The following COL9A1 variants were observed in gnomAD, a reference collection of about 807,000 sequenced individuals.
COL9A1 encodes collagen alpha-1(IX) chain.
A neutral mutation model predicts 142.6 loss-of-function variants in COL9A1; 104 were observed. That is an observed-to-expected ratio of 0.73 (90% CI 0.62 to 0.86). The LOEUF (loss-of-function observed/expected upper bound fraction) is 0.86. Ranked by LOEUF, COL9A1 falls within the 40% of genes least tolerant of loss-of-function variation. COL9A1 has a pLI of 0.00. For missense variants in COL9A1, 1,210 were observed against 1,176.6 expected (o/e 1.03, Z -0.42); for synonymous variants, 466 against 396.0 (o/e 1.18, Z -2.10).
In COL9A1 at chr6:70,242,725, C is replaced by G. The variant is rs1482601586; in HGVS notation, c.1873-10G>C. ...ATTCTCCTCTACTGCCCTGTAAAAA[C>G]ACAAACATTGTCAATTGGATATTTT... On this transcript the variant is annotated splice_polypyrimidine_tract_variant and intron_variant, in intron 28 of 37. Transcript: ENST00000357250. 6.2e-7 allele frequency: 1 copy of G among 1,613,546 alleles called. No homozygotes were observed. The highest frequency in any genetic ancestry group is 8.5e-7 in the Non-Finnish European group (1 of 1,179,562).
chr6:70,253,386 T>C lies in COL9A1; in HGVS notation c.1763A>G (p.Lys588Arg). 1 of 1,593,784 alleles carries C rather than the reference T, an allele frequency of 6.3e-7. No homozygotes were observed. Among genetic ancestry groups the C allele is most frequent in the Non-Finnish European group, 8.6e-7 (1 of 1,163,578 alleles). ...AACTTAAATTTTAAAATATTTTACCTTTTCACCAGCAACACCCTTTGCACC... is the reference window on the plus strand; with the variant it reads ...AACTTAAATTTTAAAATATTTTACCCTTTCACCAGCAACACCCTTTGCACC... ...IPGAKGVAGE[K>R]GSTGAPGKPG... is the part of the protein sequence containing the mutation. Residue 588 changes from lysine to arginine, a missense_variant and splice_region_variant, in exon 26 of 38, where the codon AAG (lysine) becomes AGG (arginine). Transcript: ENST00000357250.
chr6:70,268,939 CT>C, intron 16 of COL9A1, 79 bp from the exon 17 acceptor site: 2 of 1,226,274 alleles, frequency 1.6e-6, no homozygotes, highest in South Asian at 1.2e-5. Context: ...GTGACAGTAT[CT>C]TTTTTAAGGG....
intron 36 of COL9A1, among the ~76,000 whole-genome samples, chr6:70,227,424 TAAAAAAAAAA>T (rs11407353): frequency 4.0e-5 from 2 of 50,046 alleles, no homozygotes; most frequent in African/African-American, 1.1e-4. Context: ...ATGCAAATTG[TAAAAAAAAAA>T]AAAAAAAAAA....
intron 21 of COL9A1, 40 bp downstream of exon 21, chr6:70,256,728 A>T (rs1249468201): frequency 6.2e-7 from 1 of 1,608,208 alleles, no homozygotes; most frequent in Non-Finnish European, 8.5e-7. Flanking sequence ...CAAAAAAAAA[A>T]AAATCTATCA....
chr6:70,258,838 A>G (rs1191610428), intron 20 of COL9A1, among the ~76,000 whole-genome samples: 1 of 152,200 alleles, frequency 6.6e-6, no homozygotes, highest in Non-Finnish European at 1.5e-5. Context: ...AAATATCTCA[A>G]ATGAAGACCA....
At chr6:70,241,899 G>T in intron 30 of COL9A1, 65 bp downstream of exon 30, 1 of 1,418,114 alleles carries the variant, frequency 7.1e-7, no homozygotes, top group Non-Finnish European at 9.8e-7. Flanking sequence ...AGCAAGCTTT[G>T]TTTCTCAACA....
intron 7 of COL9A1, 90 bp from the exon 8 acceptor site, chr6:70,281,554 G>T: frequency 9.9e-7 from 1 of 1,005,142 alleles, no homozygotes; most frequent in Non-Finnish European, 1.5e-6. Flanking sequence ...GCCTCCGTGG[G>T]GTAAAAGTTA....
chr6:70,284,822 C>A (rs1030219074), intron 5 of COL9A1, among the ~76,000 whole-genome samples: 7 of 152,198 alleles, frequency 4.6e-5, no homozygotes, highest in Non-Finnish European at 1.0e-4. Flanking sequence ...CTAAGCATTA[C>A]TTCTTTTCTT....
chr6:70,244,668 G>T (rs1292644560), intron 28 of COL9A1, among the ~76,000 whole-genome samples: 8 of 152,122 alleles, frequency 5.3e-5, no homozygotes, highest in Admixed American at 3.3e-4. Flanking sequence ...AAATAAAGAT[G>T]ATTATTATAC....
chr6:70,275,912 T>G (rs1021717447), intron 10 of COL9A1, among the ~76,000 whole-genome samples: 1 of 152,162 alleles, frequency 6.6e-6, no homozygotes, highest in East Asian at 1.9e-4. Flanking sequence ...ATATTTAGTC[T>G]GTCATGGTCT....
chr6:70,283,847 T>C, intron 5 of COL9A1, 27 bp from the exon 6 acceptor site: 1 of 1,556,542 alleles, frequency 6.4e-7, no homozygotes, highest in Non-Finnish European at 8.8e-7. Flanking sequence ...GACAGTCAGG[T>C]AAGGTTTTTT....
At chr6:70,300,459 AAAT>A (rs959164999) in intron 2 of COL9A1, 73 bp from the exon 3 acceptor site, 101 of 571,378 alleles carry the variant, frequency 1.8e-4, no homozygotes, top group South Asian at 2.4e-4. Context: ...AAATAAAATA[AAAT>A]AATAATAATA....
intron 10 of COL9A1, among the ~76,000 whole-genome samples, chr6:70,275,625 C>A (rs1772708844): frequency 6.6e-6 from 1 of 151,980 alleles, no homozygotes; most frequent in Non-Finnish European, 1.5e-5. Flanking sequence ...CACATATATA[C>A]AAGAATTTCC....
Position 70,237,257 on chromosome 6 carries a change from A to C in COL9A1, c.2112+1997T>G, listed in dbSNP as rs143534012. On this transcript the variant is annotated intron_variant, in intron 33 of 37. Coordinates refer to ENST00000357250, the MANE Select transcript of COL9A1 (RefSeq NM_001851.6). ...ATGACTGAAATACTGCTACAGTAAG[A>C]GCTGGGAACTTCCTAATGAAGAGAT... is the stretch of plus-strand genomic sequence containing the variant. Among the ~76,000 whole-genome samples the C allele has an allele frequency of 5.4e-3, 820 of 152,322 alleles. 8 individuals are homozygous for C. Among genetic ancestry groups the C allele is most frequent in the African/African-American group, 0.019 (783 of 41,568 alleles).
chr6:70,267,083 CGGGTTAGGAGCAT>C (rs1458938207), intron 17 of COL9A1, among the ~76,000 whole-genome samples: 1 of 152,158 alleles, frequency 6.6e-6, no homozygotes, highest in Non-Finnish European at 1.5e-5. Context: ...CTTCCTCACA[CGGGTTAGGAGCAT>C]TAAGTCTTCT....
intron 10 of COL9A1, chr6:70,280,054 A>G: frequency 1.4e-6 from 1 of 692,886 alleles, no homozygotes; most frequent in Non-Finnish European, 2.7e-6. Context: ...ATGCATGGAA[A>G]GAGGAGAAGC....
At position 70,300,035 on chromosome 6, in the gene COL9A1, T is replaced by C. The variant is rs1456986766; in HGVS notation, c.299+8A>G. The C allele has an allele frequency of 1.9e-5, 30 of 1,613,272 alleles. No homozygotes were observed. The highest frequency in any genetic ancestry group is 3.3e-5 in the Admixed American group (2 of 60,012). ...GATAATTAGATTAAAATATTTTTGA[T>C]AGATTACCTAGTTGGAATCCTGAAG... On this transcript the variant is annotated splice_region_variant and intron_variant, in intron 4 of 37. Transcript: ENST00000357250.
At chr6:70,274,289 C>T (rs913681873) in intron 11 of COL9A1, among the ~76,000 whole-genome samples, 1 of 151,836 alleles carries the variant, frequency 6.6e-6, no homozygotes, top group Admixed American at 6.6e-5. Flanking sequence ...TAGTTTGCTG[C>T]ACAGATCATC....
intron 6 of COL9A1, chr6:70,283,298 C>A: frequency 7.4e-7 from 1 of 1,349,674 alleles, no homozygotes; most frequent in Non-Finnish European, 9.8e-7. Context: ...TGACAACAGT[C>A]GCCCTTAACC....
Sources: allele counts gnomAD v4.1 joint callset (sites outside exome capture counted in the v4.1 genomes callset), GRCh38; gene constraint gnomAD v4.1.1; transcripts MANE v1.5; gene names NCBI Gene and HGNC (gene_info 2026-07-23, HGNC 2026-07-21).